SP3: variants seen among roughly 807,000 people sequenced by gnomAD.
SP3 encodes Sp3 transcription factor, also known as transcription factor Sp3.
SP3 carries 10 observed loss-of-function variants against 70.3 expected under a neutral mutation model. That is an observed-to-expected ratio of 0.14 (90% CI 0.09 to 0.24). The LOEUF (loss-of-function observed/expected upper bound fraction) is 0.24. Among genes scored for constraint, SP3 ranks in the 10% least tolerant of loss-of-function variants. The pLI is 1.00. For synonymous variants in SP3, 402 were observed against 333.5 expected (o/e 1.21, Z -2.24); for missense variants, 825 against 914.6 (o/e 0.90, Z 1.26).
chr2:173,942,426 C>T (rs1031429672), intron 4 of SP3, among the ~76,000 whole-genome samples: 7 of 152,168 alleles, frequency 4.6e-5, no homozygotes, highest in Non-Finnish European at 8.8e-5. Context: ...ATTAGCCGAG[C>T]GTGGTGGCGC....
rs565621088 is a variant in SP3, at chr2:173,904,848, T to C, written c.*5093A>G. 1.3e-5 allele frequency among the ~76,000 whole-genome samples: 2 copies of C among 152,298 alleles called. No individual in the cohort carries two copies. The highest frequency in any genetic ancestry group is 4.1e-4 in the South Asian group (2 of 4,830). On this transcript the variant is annotated 3_prime_UTR_variant, in exon 7 of 7. Coordinates refer to ENST00000310015, the MANE Select transcript of SP3 (RefSeq NM_003111.5). ...ATTAATCGGAGGCTTAGACTTTTTT[T>C]TGTGGGGGAAGGATGGAGGGGAGAA...
Position 173,965,258 on chromosome 2 carries a change from G to A in SP3, c.-87C>T, listed in dbSNP as rs990525632. On this transcript the variant is annotated 5_prime_UTR_variant, in exon 1 of 7. Coordinates refer to ENST00000310015, the MANE Select transcript of SP3 (RefSeq NM_003111.5). The stretch of plus-strand genomic sequence containing the variant: ...GCGGCGGCGGCGGGAGAGGATGCGG[G>A]AAGCGGCGGCGGACACGGCCGGAGC... 1.4e-6 allele frequency: 2 copies of A among 1,479,162 alleles called. No individual in the cohort carries two copies. Among genetic ancestry groups the A allele is most frequent in the Admixed American group, 4.1e-5 (2 of 48,996 alleles). 91.6% of individuals were successfully genotyped at this position (1,479,162 alleles called of 1,614,324 possible).
chr2:173,921,950 C>T (rs1355872034), intron 4 of SP3, among the ~76,000 whole-genome samples: 1 of 152,170 alleles, frequency 6.6e-6, no homozygotes, highest in African/African-American at 2.4e-5. Flanking sequence ...ATGTGACGTG[C>T]CCATTCCCCA....
chr2:173,934,303 T>G (rs528532807), intron 4 of SP3, among the ~76,000 whole-genome samples: 1 of 151,910 alleles, frequency 6.6e-6, no homozygotes, highest in Non-Finnish European at 1.5e-5. Flanking sequence ...GAAACAGACA[T>G]CAAATACCAT....
intron 6 of SP3, among the ~76,000 whole-genome samples, chr2:173,911,812 C>CTTTTTT (rs1559088958): frequency 1.7e-5 from 2 of 115,854 alleles, no homozygotes; most frequent in African/African-American, 6.9e-5. Flanking sequence ...CTTTTATCTA[C>CTTTTTT]CTTTTTTTTT....
chr2:173,951,283 T>C (rs1317780247), intron 4 of SP3, among the ~76,000 whole-genome samples: 1 of 152,222 alleles, frequency 6.6e-6, no homozygotes, highest in Non-Finnish European at 1.5e-5. Flanking sequence ...TCAAACCTTT[T>C]AGTCTCAGAA....
chr2:173,911,962 G>A (rs529048532), intron 6 of SP3, among the ~76,000 whole-genome samples: 23 of 152,030 alleles, frequency 1.5e-4, no homozygotes, highest in African/African-American at 5.5e-4. Context: ...GGGACTACAG[G>A]TACACACCAT....
intron 4 of SP3, among the ~76,000 whole-genome samples, chr2:173,942,181 C>A (rs1690389850): frequency 6.6e-6 from 1 of 152,188 alleles, no homozygotes; most frequent in African/African-American, 2.4e-5. Flanking sequence ...TCATGCAGAG[C>A]AATTAAACTA....
At chr2:173,954,314 C>A (rs1359174009) in intron 4 of SP3, among the ~76,000 whole-genome samples, 1 of 152,176 alleles carries the variant, frequency 6.6e-6, no homozygotes, top group African/African-American at 2.4e-5. Flanking sequence ...CCCACTATCA[C>A]AGAATCAAAG....
Position 173,955,899 on chromosome 2 carries a change from G to C in SP3, c.613C>G (p.Gln205Glu). The change falls in exon 4 of 7, where the codon CAG becomes GAG. Residue 205 changes from glutamine (Q) to glutamate (E), a missense_variant. Physicochemically the swap from Gln to Glu is conservative, Grantham distance 29 (BLOSUM62 2). Transcript: ENST00000310015. ...GTTTGATTAGAGCCAGGAATGATCT[G>C]AATTTGACTGCTTTCTTGATTTATA... Reference protein sequence around the residue: ...GGINQESSQIQIIPGSNQTLL... With the variant: ...GGINQESSQIEIIPGSNQTLL... 1.2e-6 allele frequency: 2 copies of C among 1,614,184 alleles called. No individual in the cohort carries two copies. The highest frequency in any genetic ancestry group is 8.5e-7 in the Non-Finnish European group (1 of 1,180,030).
intron 2 of SP3, 122 bp downstream of exon 2, chr2:173,964,283 A>C: frequency 9.1e-5 from 32 of 351,896 alleles, no homozygotes; most frequent in East Asian, 2.6e-4. Context: ...GGGCGGGGGG[A>C]GGGGAGTGGA....
At chr2:173,958,844 C>T (rs756796987) in intron 3 of SP3, among the ~76,000 whole-genome samples, 13 of 150,854 alleles carry the variant, frequency 8.6e-5, no homozygotes, top group Non-Finnish European at 1.8e-4. Context: ...TGAGTTACAG[C>T]AACTCAATTT....
At chr2:173,957,433 GAATAT>G (rs1690932216) in intron 3 of SP3, among the ~76,000 whole-genome samples, 1 of 152,072 alleles carries the variant, frequency 6.6e-6, no homozygotes, top group Non-Finnish European at 1.5e-5. Flanking sequence ...AGTAGTATTA[GAATAT>G]AAGATTTTCC....
intron 5 of SP3, chr2:173,915,547 C>T (rs775588364): frequency 1.3e-4 from 20 of 152,142 alleles, no homozygotes; most frequent in South Asian, 6.2e-4. Flanking sequence ...TTTAATAATG[C>T]TAAGATAGAG....
intron 5 of SP3, 155 bp from the exon 6 acceptor site, chr2:173,913,421 GAAA>G: frequency 4.1e-6 from 2 of 482,472 alleles, no homozygotes; most frequent in Non-Finnish European, 6.8e-6. Flanking sequence ...CAGTTTAAAT[GAAA>G]ATTTATGTAT....
At chr2:173,941,132 A>T (rs1000327301) in intron 4 of SP3, among the ~76,000 whole-genome samples, 1 of 151,310 alleles carries the variant, frequency 6.6e-6, no homozygotes, top group Non-Finnish European at 1.5e-5. Flanking sequence ...ACGAGTAAAA[A>T]AAAAAAAAAA....
intron 4 of SP3, among the ~76,000 whole-genome samples, chr2:173,952,731 G>A (rs1690749268): frequency 1.3e-5 from 2 of 152,290 alleles, no homozygotes; most frequent in African/African-American, 4.8e-5. Flanking sequence ...ATAAAGAAAT[G>A]AGGTAATGAC....
chr2:173,916,809 A>G (rs540496344), intron 5 of SP3: 1 of 152,202 alleles, frequency 6.6e-6, no homozygotes, highest in South Asian at 2.1e-4. Flanking sequence ...ATGTGCAAAG[A>G]CATACGTGTA....
intron 4 of SP3, among the ~76,000 whole-genome samples, chr2:173,947,465 T>G (rs1477282964): frequency 6.6e-6 from 1 of 152,204 alleles, no homozygotes; most frequent in African/African-American, 2.4e-5. Context: ...AGAGAAACAC[T>G]GACATGCCTT....
Sources: allele counts gnomAD v4.1 joint callset (sites outside exome capture counted in the v4.1 genomes callset), GRCh38; gene constraint gnomAD v4.1.1; transcripts MANE v1.5; gene names NCBI Gene and HGNC (gene_info 2026-07-23, HGNC 2026-07-21).